Variants in CNTN4 observed in about 807,000 individuals in gnomAD.
CNTN4 encodes contactin-4.
CNTN4 carries 77 observed loss-of-function variants against 122.5 expected under a neutral mutation model. The observed-to-expected ratio is 0.63, with a 90% confidence interval of 0.52 to 0.76. CNTN4 has a LOEUF of 0.76. CNTN4 is among the 30% of genes least tolerant of loss of function. The probability of loss-of-function intolerance (pLI) is 0.00; values close to 1 mark genes in which losing one functional copy is unlikely to be tolerated. For synonymous variants in CNTN4, 512 were observed against 447.0 expected, an observed-to-expected ratio of 1.15 and a Z score of -1.83; for missense variants, 1,256 against 1,259.1, an observed-to-expected ratio of 1.00 and a Z score of 0.04.
intron 2 of CNTN4, among the ~76,000 whole-genome samples, chr3:2,166,859 A>G (rs935529249): frequency 1.3e-5 from 2 of 152,174 alleles, no homozygotes; most frequent in Admixed American, 1.3e-4. Flanking sequence ...AATAAGATGA[A>G]TAGCTCCTTA....
At chr3:2,106,678 GC>G in intron 2 of CNTN4, among the ~76,000 whole-genome samples, 1 of 152,174 alleles carries the variant, frequency 6.6e-6, no homozygotes, top group Non-Finnish European at 1.5e-5. Flanking sequence ...GGGAGGGGCT[GC>G]CGCCAAGATC....
At chr3:2,763,042 T>C (rs966401858) in intron 6 of CNTN4, among the ~76,000 whole-genome samples, 3 of 149,902 alleles carry the variant, frequency 2.0e-5, no homozygotes, top group Non-Finnish European at 3.0e-5. Context: ...CCCGGGTTCA[T>C]GCCATTCTCC....
chr3:2,173,627 A>G (rs2036609215), intron 2 of CNTN4, among the ~76,000 whole-genome samples: 1 of 152,184 alleles, frequency 6.6e-6, no homozygotes, highest in South Asian at 2.1e-4. Flanking sequence ...TACTATGGCA[A>G]GTATGATGTA....
chr3:2,452,195 T>G (rs1453371805), intron 3 of CNTN4, among the ~76,000 whole-genome samples: 1 of 152,222 alleles, frequency 6.6e-6, no homozygotes, highest in African/African-American at 2.4e-5. Context: ...TACTGCTATT[T>G]GATCCAGAAA....
At chr3:2,320,613 A>G (rs1350807082) in intron 2 of CNTN4, among the ~76,000 whole-genome samples, 1 of 152,152 alleles carries the variant, frequency 6.6e-6, no homozygotes, top group Non-Finnish European at 1.5e-5. Context: ...ATCAGTCAGT[A>G]TCCCATTTTA....
intron 2 of CNTN4, among the ~76,000 whole-genome samples, chr3:2,173,700 CG>C (rs35634083): frequency 0.08 from 12,120 of 151,876 alleles, 735 homozygotes; most frequent in East Asian, 0.25. Flanking sequence ...TAATTTGGTT[CG>C]ACTTGAACAC....
At chr3:2,567,380 C>T (rs1046241771) in intron 3 of CNTN4, among the ~76,000 whole-genome samples, 1 of 151,550 alleles carries the variant, frequency 6.6e-6, no homozygotes, top group Non-Finnish European at 1.5e-5. Flanking sequence ...GCCACCGTGC[C>T]TGGCCTCAAG....
intron 4 of CNTN4, among the ~76,000 whole-genome samples, chr3:2,684,789 G>C (rs1181770533): frequency 1.3e-5 from 2 of 152,086 alleles, no homozygotes; most frequent in African/African-American, 4.8e-5. Flanking sequence ...AAAATTTGTT[G>C]CCCATGTTGT....
chr3:2,148,290 T>C (rs1559287929), intron 2 of CNTN4, among the ~76,000 whole-genome samples: 1 of 152,036 alleles, frequency 6.6e-6, no homozygotes, highest in Non-Finnish European at 1.5e-5. Flanking sequence ...TCTCAGCACT[T>C]TGGGAGGCCT....
At chr3:2,606,789 C>T (rs2081278473) in intron 4 of CNTN4, among the ~76,000 whole-genome samples, 1 of 152,110 alleles carries the variant, frequency 6.6e-6, no homozygotes, top group Admixed American at 6.6e-5. Flanking sequence ...AGCACATGGT[C>T]CATTTCAGTG....
At chr3:2,190,090 C>A (rs2037457339) in intron 2 of CNTN4, among the ~76,000 whole-genome samples, 1 of 152,176 alleles carries the variant, frequency 6.6e-6, no homozygotes, top group Admixed American at 6.6e-5. Flanking sequence ...GGATTCTACC[C>A]CAGAGTCCTC....
At chr3:2,104,418 T>C (rs2032262965) in intron 2 of CNTN4, among the ~76,000 whole-genome samples, 1 of 152,202 alleles carries the variant, frequency 6.6e-6, no homozygotes, top group Non-Finnish European at 1.5e-5. Context: ...TTTTTACTTC[T>C]TGCTCATGTG....
chr3:2,735,082 A>G (rs2088982220), intron 4 of CNTN4, among the ~76,000 whole-genome samples: 1 of 152,250 alleles, frequency 6.6e-6, no homozygotes, highest in South Asian at 2.1e-4. Context: ...TAGGTAAGAT[A>G]CAGTCATGCT....
intron 3 of CNTN4, chr3:2,362,563 G>T: frequency 1.7e-6 from 1 of 599,062 alleles, no homozygotes. Context: ...TAACCAGGCT[G>T]AAGAAGAAGA....
At chr3:2,562,680 C>G (rs1420402701) in intron 3 of CNTN4, among the ~76,000 whole-genome samples, 1 of 151,772 alleles carries the variant, frequency 6.6e-6, no homozygotes, top group Non-Finnish European at 1.5e-5. Flanking sequence ...GACAAACATA[C>G]AAGTGCATGT....
chr3:2,482,770 C>A (rs1159170638), intron 3 of CNTN4, among the ~76,000 whole-genome samples: 2 of 152,196 alleles, frequency 1.3e-5, no homozygotes, highest in Non-Finnish European at 2.9e-5. Context: ...TGGTGTTGGT[C>A]CTCTGTATAC....
At chr3:2,169,555 G>A (rs191836861) in intron 2 of CNTN4, among the ~76,000 whole-genome samples, 7 of 138,186 alleles carry the variant, frequency 5.1e-5, no homozygotes, top group South Asian at 2.3e-4. Flanking sequence ...TACAGGCGCC[G>A]CCACCACGCC....
chr3:2,877,185 G>A (rs1247001038), intron 8 of CNTN4, among the ~76,000 whole-genome samples: 1 of 152,214 alleles, frequency 6.6e-6, no homozygotes, highest in Non-Finnish European at 1.5e-5. Context: ...AAAAAGAGTA[G>A]CCTATGAATG....
intron 3 of CNTN4, among the ~76,000 whole-genome samples, chr3:2,511,922 T>G (rs2076898861): frequency 6.6e-6 from 1 of 152,156 alleles, no homozygotes; most frequent in African/African-American, 2.4e-5. Context: ...TAGAAATTAT[T>G]GGCTTTGTTT....
Sources: allele counts gnomAD v4.1 joint callset (sites outside exome capture counted in the v4.1 genomes callset), GRCh38; gene constraint gnomAD v4.1.1; transcripts MANE v1.5; gene names NCBI Gene and HGNC (gene_info 2026-07-23, HGNC 2026-07-21).